Variants in LRP1B observed in about 807,000 individuals in gnomAD.
The protein encoded by LRP1B is low-density lipoprotein receptor-related protein 1B.
In LRP1B, 217 loss-of-function variants were observed where a neutral mutation model predicts 556.6. That is an observed-to-expected ratio of 0.39 (90% CI 0.35 to 0.44). LRP1B has a LOEUF of 0.44. LRP1B is among the 20% of genes least tolerant of loss of function. The pLI is 1.00. For missense variants in LRP1B, 5,053 were observed against 5,620.8 expected (o/e 0.90, Z 3.23); for synonymous variants, 2,047 against 1,865.8 (o/e 1.10, Z -2.50).
intron 83 of LRP1B, among the ~76,000 whole-genome samples, chr2:140,306,620 ATT>A (rs58571888): frequency 6.7e-6 from 1 of 149,372 alleles, no homozygotes; most frequent in Non-Finnish European, 1.5e-5. Flanking sequence ...GGATTCATTG[ATT>A]TTTTTTTTAA....
chr2:141,021,581 T>C (rs1446696740), intron 11 of LRP1B, among the ~76,000 whole-genome samples: 3 of 152,176 alleles, frequency 2.0e-5, no homozygotes, highest in African/African-American at 7.2e-5. Context: ...CTATTTATTA[T>C]AGTCTATAGC....
chr2:140,895,257 T>TA (rs977751153), intron 23 of LRP1B, among the ~76,000 whole-genome samples: 12 of 152,280 alleles, frequency 7.9e-5, no homozygotes, highest in South Asian at 2.1e-4. Flanking sequence ...CAGGCTGAGA[T>TA]AAAAAAATTA....
At chr2:141,096,305 C>T (rs557554711) in intron 7 of LRP1B, among the ~76,000 whole-genome samples, 17 of 152,102 alleles carry the variant, frequency 1.1e-4, no homozygotes, top group South Asian at 4.2e-4. Flanking sequence ...TGTAAATCCT[C>T]GGCCAGGCGC....
chr2:141,239,744 A>G (rs1189764270), intron 5 of LRP1B, among the ~76,000 whole-genome samples: 2 of 152,076 alleles, frequency 1.3e-5, no homozygotes, highest in Non-Finnish European at 2.9e-5. Context: ...CTATTTTCTC[A>G]AGGAAATATG....
intron 10 of LRP1B, among the ~76,000 whole-genome samples, chr2:141,052,499 A>G (rs1285463979): frequency 6.6e-6 from 1 of 152,030 alleles, no homozygotes; most frequent in Non-Finnish European, 1.5e-5. Context: ...ATTGTTGGAT[A>G]GCTATATTGT....
intron 20 of LRP1B, among the ~76,000 whole-genome samples, chr2:140,931,927 T>C (rs532869474): frequency 6.6e-5 from 10 of 152,160 alleles, no homozygotes; most frequent in Admixed American, 1.3e-4. Flanking sequence ...GATATGTTAG[T>C]TATCAAATAT....
rs745524571 is a variant in LRP1B, at chr2:140,291,320, T to TATATATATATA, written c.12967+6487_12967+6488insTATATATATAT. Among the ~76,000 whole-genome samples the TATATATATATA allele has an allele frequency of 1.9e-3, 101 of 51,860 alleles. 9 individuals carry two copies. The Middle Eastern group carries it at 0.033, about 17-fold the overall frequency. The allele number at this position is 51,860 out of a possible 152,430, so 34.0% of individuals were successfully genotyped here. A position where few individuals can be genotyped will look rare whatever the true frequency, so the allele number is the denominator to read the frequency against. ...ATTTTATATATATATATATATATAT[T>TATATATATATA]TTTATTATACTTTAAGTTCTAGGGT... On this transcript the variant is annotated intron_variant, in intron 84 of 90. Coordinates refer to ENST00000389484, the MANE Select transcript of LRP1B (RefSeq NM_018557.3).
intron 2 of LRP1B, among the ~76,000 whole-genome samples, chr2:141,571,198 G>C (rs1686515525): frequency 6.6e-6 from 1 of 151,062 alleles, no homozygotes; most frequent in Middle Eastern, 3.2e-3. Flanking sequence ...CCCAGAAGAA[G>C]GAGCAGTCAC....
intron 6 of LRP1B, among the ~76,000 whole-genome samples, chr2:141,204,982 A>T (rs930301687): frequency 3.3e-5 from 5 of 152,130 alleles, no homozygotes; most frequent in Non-Finnish European, 7.4e-5. Flanking sequence ...AGAAATGTAT[A>T]TGAGGCATAT....
chr2:141,649,318 A>G (rs1435255058), intron 2 of LRP1B, among the ~76,000 whole-genome samples: 1 of 152,214 alleles, frequency 6.6e-6, no homozygotes, highest in Non-Finnish European at 1.5e-5. Context: ...TCATCATGGT[A>G]TAGGACCAAA....
chr2:141,278,521 C>T (rs1266723027), intron 3 of LRP1B, among the ~76,000 whole-genome samples: 1 of 152,036 alleles, frequency 6.6e-6, no homozygotes, highest in Non-Finnish European at 1.5e-5. Flanking sequence ...ACGTTGCTGA[C>T]TAAGTAAAGC....
chr2:140,444,766 C>T, intron 63 of LRP1B, 87 bp from the exon 64 acceptor site: 1 of 779,192 alleles, frequency 1.3e-6, no homozygotes, highest in Non-Finnish European at 2.2e-6. Context: ...AAGATATTTA[C>T]TATAATAAAT....
intron 41 of LRP1B, among the ~76,000 whole-genome samples, chr2:140,671,243 G>A (rs1182244623): frequency 6.6e-6 from 1 of 152,044 alleles, no homozygotes; most frequent in Non-Finnish European, 1.5e-5. Flanking sequence ...TTTCTTGGCC[G>A]GGCGCGGTGG....
rs1687543348 is a variant in LRP1B, at chr2:140,725,037, T to C, written c.5759-8221A>G. Among the ~76,000 whole-genome samples, 3 of 152,196 alleles carry C rather than the reference T, an allele frequency of 2.0e-5. No individual in the cohort carries two copies. The South Asian group carries it at 6.2e-4, about 32-fold the overall frequency. On this transcript the variant is annotated intron_variant, in intron 35 of 90. Coordinates refer to ENST00000389484, the MANE Select transcript of LRP1B (RefSeq NM_018557.3). The stretch of plus-strand genomic sequence containing the variant: ...ATTTACAAAAACTGCCTTAAGGCCA[T>C]GTAATGTATTAATACCTCTAATTTA...
At chr2:142,066,378 G>A (rs996281954) in intron 1 of LRP1B, among the ~76,000 whole-genome samples, 1 of 151,422 alleles carries the variant, frequency 6.6e-6, no homozygotes, top group Non-Finnish European at 1.5e-5. Context: ...AGTTTACATA[G>A]AAATCTCCCC....
intron 1 of LRP1B, among the ~76,000 whole-genome samples, chr2:142,058,805 A>C (rs1704784063): frequency 6.6e-6 from 1 of 151,888 alleles, no homozygotes; most frequent in Admixed American, 6.6e-5. Context: ...CCTCTCCCCT[A>C]CCCTAATTAG....
chr2:141,970,800 A>G (rs994122760), intron 1 of LRP1B, among the ~76,000 whole-genome samples: 1 of 151,526 alleles, frequency 6.6e-6, no homozygotes, highest in Non-Finnish European at 1.5e-5. Context: ...AGAAAGAAGA[A>G]AAAGTGAAGT....
intron 1 of LRP1B, among the ~76,000 whole-genome samples, chr2:141,831,348 C>A (rs1331829398): frequency 6.6e-6 from 1 of 151,526 alleles, no homozygotes; most frequent in Admixed American, 6.6e-5. Context: ...CTGTTTAGAT[C>A]ATTCTTCTCT....
intron 7 of LRP1B, among the ~76,000 whole-genome samples, chr2:141,175,531 A>C (rs1413796970): frequency 6.6e-6 from 1 of 152,148 alleles, no homozygotes; most frequent in Admixed American, 6.5e-5. Context: ...TTGAACCTGC[A>C]TTCACAGAAG....
Sources: allele counts gnomAD v4.1 joint callset (sites outside exome capture counted in the v4.1 genomes callset), GRCh38; gene constraint gnomAD v4.1.1; transcripts MANE v1.5; gene names NCBI Gene and HGNC (gene_info 2026-07-23, HGNC 2026-07-21).